The following CSMD1 variants were observed in gnomAD, a reference collection of about 807,000 sequenced individuals.
CSMD1 encodes the protein CUB and Sushi multiple domains 1, also known as CUB and sushi domain-containing protein 1.
A neutral mutation model predicts 417.5 loss-of-function variants in CSMD1; 213 were observed. The observed-to-expected ratio is 0.51, with a 90% confidence interval of 0.46 to 0.57. The LOEUF (loss-of-function observed/expected upper bound fraction) is 0.57, where lower values mean the gene tolerates loss of function less well. Among genes scored for constraint, CSMD1 ranks in the 20% least tolerant of loss-of-function variants. The pLI, the probability that CSMD1 is intolerant of heterozygous loss-of-function variation, is 0.00. For synonymous variants in CSMD1, 2,862 were observed against 1,736.8 expected, an observed-to-expected ratio of 1.65 and a Z score of -16.11; for missense variants, 6,923 against 4,529.7, an observed-to-expected ratio of 1.53 and a Z score of -15.17.
chr8:4,196,544 G>T (rs886893433), intron 3 of CSMD1, among the ~76,000 whole-genome samples: 1 of 152,120 alleles, frequency 6.6e-6, no homozygotes, highest in East Asian at 1.9e-4. Context: ...GCTGTAAACT[G>T]TGAGTCATTC....
At chr8:4,131,730 A>C (rs1803116574) in intron 3 of CSMD1, among the ~76,000 whole-genome samples, 1 of 151,088 alleles carries the variant, frequency 6.6e-6, no homozygotes, top group Non-Finnish European at 1.5e-5. Flanking sequence ...AGTTGTTATC[A>C]AGATTAAATT....
chr8:3,848,315 A>G (rs764259539), intron 5 of CSMD1, among the ~76,000 whole-genome samples: 6 of 152,190 alleles, frequency 3.9e-5, no homozygotes, highest in Non-Finnish European at 7.3e-5. Context: ...CTAACAACAG[A>G]GATCACCACA....
chr8:4,077,295 G>GTA (rs1253192594), intron 3 of CSMD1, among the ~76,000 whole-genome samples: 60 of 88,914 alleles, frequency 6.7e-4, no homozygotes, highest in African/African-American at 1.9e-3. Context: ...ATATATATAT[G>GTA]TGTATATATA....
At chr8:3,703,609 A>G (rs1433545201) in intron 7 of CSMD1, among the ~76,000 whole-genome samples, 2 of 152,196 alleles carry the variant, frequency 1.3e-5, no homozygotes, top group African/African-American at 2.4e-5. Context: ...TAAAGGTACA[A>G]TCAAGGTAGG....
intron 1 of CSMD1, among the ~76,000 whole-genome samples, chr8:4,960,304 T>C (rs1809392312): frequency 6.6e-6 from 1 of 152,212 alleles, no homozygotes; most frequent in South Asian, 2.1e-4. Flanking sequence ...ACGCCCCTGA[T>C]ATATAGACAA....
Position 3,106,562 on chromosome 8 carries a change from C to T in CSMD1, c.6915G>A (p.Gln2305=). 1.2e-6 allele frequency: 2 copies of T among 1,613,852 alleles called. No homozygotes were observed. The highest frequency in any genetic ancestry group is 1.7e-6 in the Non-Finnish European group (2 of 1,179,794). ...TDILTCKLSS[Q]LQFEGSLPTC... is the part of the protein sequence containing the mutation. ...TTGGGAGAGAACCCTCAAACTGCAA[C>T]TGGGAACTGAGCTTGCAAGTCAGAA... The change falls in exon 46 of 70, where the codon CAG becomes CAA. Residue 2305 remains glutamine, a synonymous_variant. Transcript: ENST00000635120.
intron 1 of CSMD1, among the ~76,000 whole-genome samples, chr8:4,669,396 T>C (rs1230809249): frequency 6.6e-6 from 1 of 152,236 alleles, no homozygotes; most frequent in African/African-American, 2.4e-5. Context: ...ATACAAATGA[T>C]TTCTCCTCAT....
chr8:3,913,973 T>C (rs1808632942), intron 5 of CSMD1, among the ~76,000 whole-genome samples: 1 of 152,148 alleles, frequency 6.6e-6, no homozygotes, highest in Non-Finnish European at 1.5e-5. Flanking sequence ...GAAAGTACTT[T>C]AGCCAATATT....
At chr8:4,706,555 T>C (rs2617058) in intron 1 of CSMD1, among the ~76,000 whole-genome samples, 33,558 of 152,226 alleles carry the variant, frequency 0.22, 4,207 homozygotes, top group Non-Finnish European at 0.28. Flanking sequence ...TAACTCGGCA[T>C]CATTTAAGTC....
intron 3 of CSMD1, among the ~76,000 whole-genome samples, chr8:4,154,137 G>C (rs951784507): frequency 2.0e-5 from 3 of 152,160 alleles, no homozygotes; most frequent in African/African-American, 4.8e-5. Flanking sequence ...CGACAGCTGA[G>C]GGTGAGATAT....
At chr8:3,148,773 G>GT (rs1300105374) in intron 40 of CSMD1, among the ~76,000 whole-genome samples, 8 of 152,192 alleles carry the variant, frequency 5.3e-5, no homozygotes, top group African/African-American at 1.7e-4. Context: ...TGTTGACCAC[G>GT]TTAGAGGACA....
At chr8:3,972,611 C>T (rs559241098) in intron 5 of CSMD1, among the ~76,000 whole-genome samples, 6 of 152,244 alleles carry the variant, frequency 3.9e-5, no homozygotes, top group African/African-American at 1.4e-4. Flanking sequence ...TTTTAATGTA[C>T]TACTAAGCCA....
At chr8:4,135,748 G>A (rs1333959755) in intron 3 of CSMD1, among the ~76,000 whole-genome samples, 3 of 152,080 alleles carry the variant, frequency 2.0e-5, no homozygotes, top group East Asian at 1.9e-4. Flanking sequence ...TTAAAGAATT[G>A]CTGTGTAAAC....
intron 55 of CSMD1, among the ~76,000 whole-genome samples, chr8:2,977,143 G>C (rs531871977): frequency 6.6e-6 from 1 of 152,190 alleles, no homozygotes; most frequent in African/African-American, 2.4e-5. Context: ...TGCATGTGCA[G>C]GGTGTGTAGG....
intron 4 of CSMD1, 49 bp from the exon 5 acceptor site, chr8:3,998,159 C>A: frequency 2.0e-6 from 3 of 1,487,932 alleles, no homozygotes; most frequent in East Asian, 2.5e-5. Flanking sequence ...GGATGGTTTT[C>A]ATACACGAGT....
intron 3 of CSMD1, among the ~76,000 whole-genome samples, chr8:4,139,563 C>T (rs1803653398): frequency 6.6e-6 from 1 of 151,246 alleles, no homozygotes; most frequent in Non-Finnish European, 1.5e-5. Context: ...CTGCATATAG[C>T]TCCCTGAGCT....
intron 1 of CSMD1, among the ~76,000 whole-genome samples, chr8:4,967,375 A>G (rs1046723968): frequency 1.3e-5 from 2 of 152,186 alleles, no homozygotes; most frequent in Non-Finnish European, 1.5e-5. Context: ...AATCACTGCC[A>G]TGATAAAGCC....
At chr8:4,065,759 A>G (rs1302304890) in intron 3 of CSMD1, among the ~76,000 whole-genome samples, 3 of 152,212 alleles carry the variant, frequency 2.0e-5, no homozygotes, top group Non-Finnish European at 2.9e-5. Context: ...TAAATGCTAA[A>G]TATTTGGGGA....
intron 11 of CSMD1, chr8:3,469,282 C>CA (rs1452542434): frequency 6.5e-6 from 1 of 152,934 alleles, no homozygotes; most frequent in Non-Finnish European, 1.5e-5. Flanking sequence ...GGTTCATTCA[C>CA]AAAAGGTTTT....
Sources: gnomAD v4.1 joint callset for allele counts (sites outside exome capture counted in the v4.1 genomes callset) on GRCh38, gnomAD v4.1.1 for gene constraint, MANE v1.5 for transcripts, NCBI Gene and HGNC (gene_info 2026-07-23, HGNC 2026-07-21) for gene names.